Variants in VPS37A observed in about 807,000 individuals in gnomAD.
The protein encoded by VPS37A is vacuolar protein sorting-associated protein 37A.
In VPS37A, 30 loss-of-function variants were observed where a neutral mutation model predicts 49.8. That is an observed-to-expected ratio of 0.60 (90% CI 0.45 to 0.82). The LOEUF (loss-of-function observed/expected upper bound fraction) is 0.82, where lower values mean the gene tolerates loss of function less well. Ranked by LOEUF, VPS37A falls within the 40% of genes least tolerant of loss-of-function variation. The pLI, the probability that VPS37A is intolerant of heterozygous loss-of-function variation, is 0.00. For missense variants in VPS37A, 593 were observed against 464.4 expected (o/e 1.28, Z -2.55); for synonymous variants, 195 against 160.6 (o/e 1.21, Z -1.62).
intron 1 of VPS37A, among the ~76,000 whole-genome samples, chr8:17,262,764 T>C (rs2150365299): frequency 6.6e-6 from 1 of 152,230 alleles, no homozygotes; most frequent in South Asian, 2.1e-4. Flanking sequence ...TATGCAGCCA[T>C]TAAAAATTAT....
At position 17,276,472 on chromosome 8, in the gene VPS37A, AC is replaced by A. The variant is rs1470337552; in HGVS notation, c.713+7del. 6.2e-7 allele frequency: 1 copy of A among 1,606,414 alleles called. No individual in the cohort carries two copies. Among genetic ancestry groups the A allele is most frequent in the African/African-American group, 1.3e-5 (1 of 74,478 alleles). ...TCCAGAACTCTCAGAACTAAGGTAA[AC>A]CTGGAAAGTAAAGTTGGTCACATTG... is the stretch of plus-strand genomic sequence containing the variant. On this transcript the variant is annotated splice_donor_region_variant and intron_variant, in intron 6 of 11. Transcript: ENST00000324849.
the VPS37A span, chr8:17,313,523 GC>G: frequency 1.0e-4 from 53 of 516,920 alleles, no homozygotes; most frequent in Non-Finnish European, 1.5e-4. Context: ...CTGGAAGCAA[GC>G]CTTAAGTCAA....
downstream of VPS37A, among the ~76,000 whole-genome samples, chr8:17,307,392 GC>G (rs1817523705): frequency 6.6e-6 from 1 of 152,192 alleles, no homozygotes; most frequent in Non-Finnish European, 1.5e-5. Context: ...AACAACAGGT[GC>G]TGGAGAGGAT....
At chr8:17,282,242 T>G (rs989399591) in intron 9 of VPS37A, among the ~76,000 whole-genome samples, 3 of 152,090 alleles carry the variant, frequency 2.0e-5, no homozygotes, top group East Asian at 3.9e-4. Context: ...GACTTGTGTA[T>G]GTGAATAATC....
At chr8:17,311,553 G>C in the VPS37A span, 1 of 1,614,106 alleles carries the variant, frequency 6.2e-7, no homozygotes, top group Non-Finnish European at 8.5e-7. Context: ...CCAGCAGCAG[G>C]CTTGCCACCG....
chr8:17,288,728 A>G lies in VPS37A; in HGVS notation c.*2301A>G, dbSNP rs574365908. On this transcript the variant is annotated intron_variant, in intron 11 of 11. Transcript: ENST00000324849. Reference sequence around the variant, plus strand: ...GAGAGTGGTTTATAATACTTTGGGTATATACCCAGTAGTGGGATCTGGGTC... The same window carrying G: ...GAGAGTGGTTTATAATACTTTGGGTGTATACCCAGTAGTGGGATCTGGGTC... 2.0e-5 allele frequency among the ~76,000 whole-genome samples: 3 copies of G among 152,324 alleles called. No individual in the cohort carries two copies. In the South Asian group the frequency reaches 6.2e-4, roughly 32 times the overall value.
At chr8:17,314,532 C>A in the VPS37A span, among the ~76,000 whole-genome samples, 1 of 152,052 alleles carries the variant, frequency 6.6e-6, no homozygotes. Flanking sequence ...GCAGCATTAA[C>A]AAAAATATTA....
At chr8:17,253,008 G>T (rs907532147) in intron 1 of VPS37A, among the ~76,000 whole-genome samples, 1 of 152,108 alleles carries the variant, frequency 6.6e-6, no homozygotes. Flanking sequence ...TGATTAAGAC[G>T]TATAATTGCA....
chr8:17,286,308 T>C (rs761862474), intron 10 of VPS37A, 39 bp from the exon 11 acceptor site: 5 of 1,556,860 alleles, frequency 3.2e-6, no homozygotes, highest in South Asian at 1.1e-5. Flanking sequence ...GGCATATCTT[T>C]GTAAAAGTGA....
chr8:17,308,092 G>A, the VPS37A span, among the ~76,000 whole-genome samples: 1 of 151,874 alleles, frequency 6.6e-6, no homozygotes, highest in Non-Finnish European at 1.5e-5. Context: ...ATTGCATTAT[G>A]GGAGACTGAT....
Position 17,266,376 on chromosome 8 carries a change from T to A in VPS37A, c.200+395T>A, listed in dbSNP as rs75850850. Reference sequence around the variant, plus strand: ...ATATTCCAAATTTCAGCAACAGATATACTACATCAACCAGAAAGTTCAAGA... The same window carrying A: ...ATATTCCAAATTTCAGCAACAGATAAACTACATCAACCAGAAAGTTCAAGA... On this transcript the variant is annotated intron_variant, in intron 2 of 11. Coordinates refer to ENST00000324849, the MANE Select transcript of VPS37A (RefSeq NM_152415.3). Among the ~76,000 whole-genome samples the A allele has an allele frequency of 3.7e-4, 56 of 152,304 alleles. No homozygotes were observed. The East Asian group carries it at 8.5e-3, about 23-fold the overall frequency.
chr8:17,266,064 T>A (rs1424730699), intron 2 of VPS37A, 83 bp downstream of exon 2: 1 of 1,241,306 alleles, frequency 8.1e-7, no homozygotes, highest in East Asian at 2.4e-5. Context: ...AAATAAACTT[T>A]TAAGGTGAAC....
At chr8:17,298,241 A>ATATAG (rs1227675252), downstream of VPS37A, 1 of 152,118 alleles carries the variant, frequency 6.6e-6, no homozygotes, top group African/African-American at 2.4e-5. Flanking sequence ...TCCCTATTAC[A>ATATAG]TATAGTATAT....
At chr8:17,300,983 AT>A (rs1380533884), downstream of VPS37A, among the ~76,000 whole-genome samples, 1 of 152,180 alleles carries the variant, frequency 6.6e-6, no homozygotes, top group African/African-American at 2.4e-5. Context: ...ACAGTATTCC[AT>A]TACATGGATA....
chr8:17,257,121 T>A (rs1812537773), intron 1 of VPS37A, among the ~76,000 whole-genome samples: 2 of 152,154 alleles, frequency 1.3e-5, no homozygotes, highest in Admixed American at 1.3e-4. Context: ...AGAGATAGGG[T>A]CTAGTTTCAT....
chr8:17,302,356 A>C (rs1051557110), downstream of VPS37A: 3 of 1,478,414 alleles, frequency 2.0e-6, no homozygotes, highest in Admixed American at 6.6e-5. Context: ...CTTCTAAGGT[A>C]TCTATGATAC....
chr8:17,326,156 C>T, the VPS37A span, among the ~76,000 whole-genome samples: 4 of 152,150 alleles, frequency 2.6e-5, no homozygotes, highest in African/African-American at 9.7e-5. Flanking sequence ...CCCACTACCT[C>T]GAGAGGCAGA....
At position 17,247,099 on chromosome 8, in the gene VPS37A, G is replaced by A; in HGVS notation, c.-146G>A. The stretch of plus-strand genomic sequence containing the variant: ...CCCAGAACTCGGGGAGCGCAGGCAG[G>A]ACAGGCTTAGAGAAGACGCGGTCCC... On this transcript the variant is annotated 5_prime_UTR_variant, in exon 1 of 12. Coordinates refer to ENST00000324849, the MANE Select transcript of VPS37A (RefSeq NM_152415.3). The A allele has an allele frequency of 2.8e-6, 3 of 1,062,738 alleles. No individual in the cohort carries two copies. Among genetic ancestry groups the A allele is most frequent in the South Asian group, 1.5e-5 (1 of 66,008 alleles). 65.8% of individuals were successfully genotyped at this position (1,062,738 alleles called of 1,614,324 possible).
chr8:17,304,420 T>A, downstream of VPS37A: 1 of 1,614,096 alleles, frequency 6.2e-7, no homozygotes, highest in Non-Finnish European at 8.5e-7. Context: ...GATGAAGGGT[T>A]CCCTGAGTCT....
Sources: allele counts gnomAD v4.1 joint callset (sites outside exome capture counted in the v4.1 genomes callset), GRCh38; gene constraint gnomAD v4.1.1; transcripts MANE v1.5; gene names NCBI Gene and HGNC (gene_info 2026-07-23, HGNC 2026-07-21).